ZNF33B: variants seen among roughly 807,000 people sequenced by gnomAD.
The protein encoded by ZNF33B is zinc finger protein 33B.
In ZNF33B, 29 loss-of-function variants were observed where a neutral mutation model predicts 45.8. The observed-to-expected ratio is 0.63, with a 90% CI of 0.47 to 0.86. The LOEUF is 0.86. Among genes scored for constraint, ZNF33B ranks in the 40% least tolerant of loss-of-function variants. The pLI is 0.00. For missense variants in ZNF33B, 831 were observed against 909.9 expected, an observed-to-expected ratio of 0.91 and a Z score of 1.12; for synonymous variants, 305 against 307.8, an observed-to-expected ratio of 0.99 and a Z score of 0.10.
At chr10:42,621,029 A>C (rs1247056663) in intron 4 of ZNF33B, among the ~76,000 whole-genome samples, 1 of 152,134 alleles carries the variant, frequency 6.6e-6, no homozygotes, top group Non-Finnish European at 1.5e-5. Flanking sequence ...CTTACAGTTA[A>C]TAGTTTTAGA....
chr10:42,602,388 G>C lies in ZNF33B; in HGVS notation c.251-7689C>G, dbSNP rs1837667356. 1.3e-5 allele frequency among the ~76,000 whole-genome samples: 2 copies of C among 151,218 alleles called. 1 individual carries two copies. The highest frequency in any genetic ancestry group is 2.9e-5 in the Non-Finnish European group (2 of 67,890). Reference sequence around the variant, plus strand: ...ACCAAATTATAGCACTGTTTTCAATGAACCTGTCAGTTAATTCTAATATCT... The same window carrying C: ...ACCAAATTATAGCACTGTTTTCAATCAACCTGTCAGTTAATTCTAATATCT... On this transcript the variant is annotated intron_variant, in intron 4 of 4. Transcript: ENST00000359467.
chr10:42,593,168 T>C lies in ZNF33B; in HGVS notation c.1782A>G (p.Ser594=), dbSNP rs928341857. ...GTGTTCTATTATGTTTTGTTAGGTA[T>C]GATTTATTGTAAAAGATTTTTCCAC... ...HECGKIFYNK[S]YLTKHNRTHT... Residue 594 remains serine, a synonymous_variant, in exon 5 of 5, where the codon TCA becomes TCG. Transcript: ENST00000359467. The C allele has an allele frequency of 3.7e-6, 6 of 1,613,694 alleles. No individual in the cohort carries two copies. Among genetic ancestry groups the C allele is most frequent in the Non-Finnish European group, 4.2e-6 (5 of 1,179,942 alleles).
intron 4 of ZNF33B, among the ~76,000 whole-genome samples, chr10:42,616,573 G>A (rs1329460644): frequency 6.6e-6 from 1 of 152,108 alleles, no homozygotes; most frequent in Non-Finnish European, 1.5e-5. Flanking sequence ...TCTTGTCTGT[G>A]TAATGGACAG....
At position 42,576,041 on chromosome 10, in the gene ZNF33B, C is replaced by A. The variant is rs1402612440; in HGVS notation, c.74-1363G>T. ...GAGTAGCTGGGATTACAGGTGCCTG[C>A]CACCATGCCCAGCTAATTTTTGTAT... On this transcript the variant is annotated intron_variant, in intron 1 of 1. Transcript: ENST00000462075. Among the ~76,000 whole-genome samples the A allele has an allele frequency of 7.2e-5, 11 of 152,252 alleles. No individual in the cohort carries two copies. The East Asian group carries it at 2.1e-3, about 29-fold the overall frequency.
At chr10:42,638,211 C>T (rs1020293768) in intron 1 of ZNF33B, among the ~76,000 whole-genome samples, 16 of 152,278 alleles carry the variant, frequency 1.1e-4, no homozygotes, top group African/African-American at 3.4e-4. Flanking sequence ...AGGCTCAGCG[C>T]TCGGACCGCG....
In ZNF33B at chr10:42,589,380, T is replaced by C. The variant is rs1051371273; in HGVS notation, c.*3233A>G. 36 of 152,158 alleles carry C rather than the reference T, an allele frequency of 2.4e-4. No individual in the cohort carries two copies. The highest frequency in any genetic ancestry group is 8.5e-4 in the African/African-American group (35 of 41,420). The allele number at this position is 152,158 out of a possible 1,614,324, so 9.4% of individuals were successfully genotyped here. A position where few individuals can be genotyped will look rare whatever the true frequency, so the allele number is the denominator to read the frequency against. ...GTTTTCCGTTCACTGTTTTCCATTC[T>C]CTGCATTTTGACAAATTACAGTACC... On this transcript the variant is annotated 3_prime_UTR_variant, in exon 5 of 5. Coordinates refer to ENST00000359467, the MANE Select transcript of ZNF33B (RefSeq NM_006955.3).
chr10:42,619,330 A>G (rs565531220), intron 4 of ZNF33B, among the ~76,000 whole-genome samples: 108 of 152,328 alleles, frequency 7.1e-4, no homozygotes, highest in African/African-American at 2.5e-3. Context: ...AGGCCTGAAG[A>G]CAGATGGATG....
intron 4 of ZNF33B, among the ~76,000 whole-genome samples, chr10:42,627,293 C>G (rs944632251): frequency 6.6e-6 from 1 of 152,152 alleles, no homozygotes; most frequent in African/African-American, 2.4e-5. Flanking sequence ...CATGAGCCAC[C>G]ACACCTGGCC....
intron 4 of ZNF33B, among the ~76,000 whole-genome samples, chr10:42,613,145 C>T (rs115018741): frequency 0.017 from 2,553 of 152,252 alleles, 77 homozygotes; most frequent in African/African-American, 0.058. Context: ...GGCAGGTCTG[C>T]ACATAAGTAC....
rs191774811 is a variant in ZNF33B at position 42,591,535 on chromosome 10, G to C, written c.*1078C>G. On this transcript the variant is annotated 3_prime_UTR_variant, in exon 5 of 5. Transcript: ENST00000359467. ...CAGGACACGACAAACACCTGGGATG[G>C]GCCTGATGAAGTAACCACTACTAAA... 5.3e-5 allele frequency: 21 copies of C among 397,612 alleles called. No homozygotes were observed. Among genetic ancestry groups the C allele is most frequent in the African/African-American group, 4.5e-4 (21 of 46,312 alleles). The allele number at this position is 397,612 out of a possible 1,614,324, so 24.6% of individuals were successfully genotyped here. A position where few individuals can be genotyped will look rare whatever the true frequency, so the allele number is the denominator to read the frequency against.
rs58273290 is a variant in ZNF33B at position 42,605,594 on chromosome 10, G to A, written c.251-10895C>T. On this transcript the variant is annotated intron_variant, in intron 4 of 4. Coordinates refer to ENST00000359467, the MANE Select transcript of ZNF33B (RefSeq NM_006955.3). ...GCTAGTAGACTAACAATAAAAGAAA[G>A]AAAAGAAGTTCTTTAGGGTGAAAAC... Among the ~76,000 whole-genome samples, 73 of 152,140 alleles carry A rather than the reference G, an allele frequency of 4.8e-4. No homozygotes were observed. In the East Asian group the frequency reaches 0.013, roughly 27 times the overall value.
At chr10:42,601,546 T>A (rs1269757145) in intron 4 of ZNF33B, among the ~76,000 whole-genome samples, 1 of 136,248 alleles carries the variant, frequency 7.3e-6, no homozygotes, top group Non-Finnish European at 1.5e-5. Context: ...AATCTCAGCC[T>A]CACTGCAACT....
Position 42,638,410 on chromosome 10 carries a change from G to C in ZNF33B, c.-45+64C>G, listed in dbSNP as rs1406838813. On this transcript the variant is annotated intron_variant, in intron 1 of 4. Transcript: ENST00000359467. Reference sequence around the variant, plus strand: ...CGCCACCACCTGGCACTGGCCCCCGGCTGCCTGCTCCTGGAGTCGCGCGGG... The same window carrying C: ...CGCCACCACCTGGCACTGGCCCCCGCCTGCCTGCTCCTGGAGTCGCGCGGG... 5 of 353,062 alleles carry C rather than the reference G, an allele frequency of 1.4e-5. No individual in the cohort carries two copies. The Admixed American group carries it at 1.8e-4, about 13-fold the overall frequency. 21.9% of individuals were successfully genotyped at this position (353,062 alleles called of 1,614,324 possible).
In ZNF33B at chr10:42,592,436, C is replaced by A; in HGVS notation, c.*177G>T. The stretch of plus-strand genomic sequence containing the variant: ...CAGAATATCACTTCCTAACAAAAGC[C>A]ATCCTATAGTTGTTGTAGTCTATGG... On this transcript the variant is annotated 3_prime_UTR_variant, in exon 5 of 5. Transcript: ENST00000359467. 1.1e-6 allele frequency: 1 copy of A among 913,078 alleles called. No individual in the cohort carries two copies. 56.6% of individuals were successfully genotyped at this position (913,078 alleles called of 1,614,324 possible).
At chr10:42,603,761 C>G (rs1164983124) in intron 4 of ZNF33B, among the ~76,000 whole-genome samples, 1 of 151,630 alleles carries the variant, frequency 6.6e-6, no homozygotes, top group Non-Finnish European at 1.5e-5. Context: ...CAGAGGCAGA[C>G]AGGCTAACAC....
chr10:42,611,080 C>G (rs1381271017), intron 4 of ZNF33B, among the ~76,000 whole-genome samples: 5 of 152,108 alleles, frequency 3.3e-5, no homozygotes. Context: ...CGTGGTAGCT[C>G]ACGCCTGTAA....
chr10:42,581,837 G>A (rs1299250078), intron 1 of ZNF33B: 1 of 152,226 alleles, frequency 6.6e-6, no homozygotes, highest in African/African-American at 2.4e-5. Flanking sequence ...ATTCCTGGCT[G>A]AGCATGGTGG....
rs1837137332 is a variant in ZNF33B, at chr10:42,591,829, C to T, written c.*784G>A. 1 of 152,624 alleles carries T rather than the reference C, an allele frequency of 6.6e-6. No homozygotes were observed. The highest frequency in any genetic ancestry group is 1.5e-5 in the Non-Finnish European group (1 of 68,456). 9.5% of individuals were successfully genotyped at this position (152,624 alleles called of 1,614,324 possible). A position where few individuals can be genotyped will look rare whatever the true frequency, so the allele number is the denominator to read the frequency against. On this transcript the variant is annotated 3_prime_UTR_variant, in exon 5 of 5. Coordinates refer to ENST00000359467, the MANE Select transcript of ZNF33B (RefSeq NM_006955.3). ...ACTACTTGAGGCTAAATCCTGATTCCTTTGTAATCCTGAAACAGTACAGAT... is the reference window on the plus strand; with the variant it reads ...ACTACTTGAGGCTAAATCCTGATTCTTTTGTAATCCTGAAACAGTACAGAT...
At chr10:42,597,509 T>C (rs1227822735) in intron 4 of ZNF33B, among the ~76,000 whole-genome samples, 3 of 152,130 alleles carry the variant, frequency 2.0e-5, no homozygotes, top group African/African-American at 4.8e-5. Flanking sequence ...TGCAAATTCA[T>C]TTATTAAGTC....
Sources: gnomAD v4.1 joint callset for allele counts (sites outside exome capture counted in the v4.1 genomes callset) on GRCh38, gnomAD v4.1.1 for gene constraint, MANE v1.5 for transcripts, NCBI Gene and HGNC (gene_info 2026-07-23, HGNC 2026-07-21) for gene names.